The following SORCS2 variants were observed in gnomAD, a reference collection of about 807,000 sequenced individuals.
The protein encoded by SORCS2 is VPS10 domain-containing receptor SorCS2.
Under a neutral mutation model 141.6 loss-of-function variants are expected in SORCS2, and 100 were observed. That is an observed-to-expected ratio of 0.71 (90% CI 0.60 to 0.83). The LOEUF (loss-of-function observed/expected upper bound fraction) is 0.83. Among genes scored for constraint, SORCS2 ranks in the 40% least tolerant of loss-of-function variants. SORCS2 has a pLI of 0.00. For synonymous variants in SORCS2, 789 were observed against 676.9 expected (o/e 1.17, Z -2.57); for missense variants, 1,646 against 1,560.2 (o/e 1.05, Z -0.93).
rs1711521166 is a variant in SORCS2, at chr4:7,729,664, C to T, written c.3060C>T (p.Leu1020=). 1.9e-6 allele frequency: 3 copies of T among 1,607,956 alleles called. No individual in the cohort carries two copies. The highest frequency in any genetic ancestry group is 2.5e-6 in the Non-Finnish European group (3 of 1,177,444). ...CCACTTTGGCCGATCTGTACGTGCT[C>T]CTGCCCCCTCCCAGGCCCACAAGGA... ...GLPTLADLYV[L]LPPPRPTRKR... is the part of the protein sequence containing the mutation. The change falls in exon 23 of 27, where the codon CTC becomes CTT. Residue 1020 remains leucine, a synonymous_variant. Transcript: ENST00000507866.
chr4:7,288,112 GT>G (rs1716349984), intron 1 of SORCS2, among the ~76,000 whole-genome samples: 1 of 152,198 alleles, frequency 6.6e-6, no homozygotes, highest in South Asian at 2.1e-4. Context: ...TCGATGCAGT[GT>G]TTAAGCACTC....
intron 1 of SORCS2, among the ~76,000 whole-genome samples, chr4:7,242,933 A>T (rs1362639927): frequency 1.3e-5 from 2 of 152,162 alleles, no homozygotes; most frequent in African/African-American, 4.8e-5. Flanking sequence ...CGCTGGTTGG[A>T]TGGGAGGCAC....
chr4:7,706,639 T>C (rs1725481789), intron 14 of SORCS2, among the ~76,000 whole-genome samples: 2 of 144,396 alleles, frequency 1.4e-5, no homozygotes, highest in South Asian at 4.6e-4. Flanking sequence ...TGGACAGGGA[T>C]GAGGCTGGGC....
intron 1 of SORCS2, among the ~76,000 whole-genome samples, chr4:7,379,856 T>C (rs1364781929): frequency 6.6e-6 from 1 of 152,244 alleles, no homozygotes; most frequent in East Asian, 1.9e-4. Context: ...AACTTGCTTT[T>C]TAGACATCAC....
intron 3 of SORCS2, among the ~76,000 whole-genome samples, chr4:7,630,254 G>T (rs1719800157): frequency 6.6e-6 from 1 of 152,116 alleles, no homozygotes; most frequent in Non-Finnish European, 1.5e-5. Context: ...GGGAGTGAGT[G>T]AAAAAAGCTT....
intron 3 of SORCS2, among the ~76,000 whole-genome samples, chr4:7,635,888 G>A (rs1324572617): frequency 6.6e-6 from 1 of 152,212 alleles, no homozygotes; most frequent in Non-Finnish European, 1.5e-5. Flanking sequence ...GGAGATTAAT[G>A]ACCGTAGCTG....
chr4:7,576,458 C>T (rs763568267), intron 3 of SORCS2, among the ~76,000 whole-genome samples: 2 of 152,190 alleles, frequency 1.3e-5, no homozygotes, highest in East Asian at 1.9e-4. Flanking sequence ...CAACAGCCAT[C>T]GAGTGCCTGC....
chr4:7,224,750 G>T (rs35194996), intron 1 of SORCS2, among the ~76,000 whole-genome samples: 1 of 152,000 alleles, frequency 6.6e-6, no homozygotes, highest in East Asian at 1.9e-4. Flanking sequence ...GTGTGGCACT[G>T]GGTGGGGATC....
intron 1 of SORCS2, among the ~76,000 whole-genome samples, chr4:7,285,082 G>A (rs898529148): frequency 6.7e-5 from 10 of 149,928 alleles, no homozygotes; most frequent in Non-Finnish European, 1.0e-4. Flanking sequence ...GCCCAGACTC[G>A]AGTGCAGTGG....
intron 1 of SORCS2, among the ~76,000 whole-genome samples, chr4:7,255,742 G>C (rs1287935387): frequency 2.6e-5 from 4 of 152,126 alleles, no homozygotes; most frequent in Admixed American, 2.6e-4. Flanking sequence ...GGTGTTATCT[G>C]TCCACCTGCC....
Position 7,665,276 on chromosome 4 carries a change from C to T in SORCS2, c.1071+805C>T, listed in dbSNP as rs781771708. On this transcript the variant is annotated intron_variant, in intron 7 of 26. Transcript: ENST00000507866. ...TCTACACTCAGTCTGTGCCAAGGGC[C>T]ACCAAGGAGTTAGGCGCTAGGGCAG... Among the ~76,000 whole-genome samples, 6 of 152,144 alleles carry T rather than the reference C, an allele frequency of 3.9e-5. No homozygotes were observed. The East Asian group carries it at 5.8e-4, about 15-fold the overall frequency.
At chr4:7,521,503 C>T (rs763590350) in intron 2 of SORCS2, among the ~76,000 whole-genome samples, 12 of 152,212 alleles carry the variant, frequency 7.9e-5, no homozygotes, top group Non-Finnish European at 1.5e-4. Context: ...CCCTCTTCCT[C>T]TCTGATCCTG....
At chr4:7,617,119 A>T (rs1018515963) in intron 3 of SORCS2, among the ~76,000 whole-genome samples, 1 of 152,154 alleles carries the variant, frequency 6.6e-6, no homozygotes, top group East Asian at 1.9e-4. Flanking sequence ...TATTTTGACT[A>T]CAAACCCTGT....
intron 3 of SORCS2, among the ~76,000 whole-genome samples, chr4:7,538,572 G>A (rs1224818943): frequency 7.2e-6 from 1 of 139,694 alleles, no homozygotes; most frequent in Non-Finnish European, 1.5e-5. Context: ...ATCAGTGTTG[G>A]CTTGAATATT....
intron 3 of SORCS2, among the ~76,000 whole-genome samples, chr4:7,636,894 C>G (rs1720293098): frequency 6.6e-6 from 1 of 152,120 alleles, no homozygotes; most frequent in South Asian, 2.1e-4. Flanking sequence ...GTCGGCCAGG[C>G]TGGTTCCTTC....
chr4:7,693,534 G>A (rs1440751930), intron 11 of SORCS2, among the ~76,000 whole-genome samples: 1 of 152,212 alleles, frequency 6.6e-6, no homozygotes, highest in Non-Finnish European at 1.5e-5. Context: ...TCCCTGCACT[G>A]TCCTTTGCCC....
chr4:7,570,332 A>G (rs1158812599), intron 3 of SORCS2, among the ~76,000 whole-genome samples: 2 of 152,192 alleles, frequency 1.3e-5, no homozygotes, highest in Non-Finnish European at 2.9e-5. Context: ...ACCTCCACTC[A>G]TGACGGTGCC....
intron 21 of SORCS2, 40 bp from the exon 22 acceptor site, chr4:7,728,310 G>A (rs373256714): frequency 1.5e-5 from 22 of 1,516,382 alleles, no homozygotes; most frequent in Non-Finnish European, 2.0e-5. Flanking sequence ...GAGCCAGGCT[G>A]TCCAGAACTG....
intron 11 of SORCS2, among the ~76,000 whole-genome samples, chr4:7,694,559 C>T (rs555069261): frequency 2.0e-5 from 3 of 152,216 alleles, no homozygotes; most frequent in Middle Eastern, 3.2e-3. Flanking sequence ...AGTGTGCTGA[C>T]GCGGCAACAC....
Sources: allele counts gnomAD v4.1 joint callset (sites outside exome capture counted in the v4.1 genomes callset), GRCh38; gene constraint gnomAD v4.1.1; transcripts MANE v1.5; gene names NCBI Gene and HGNC (gene_info 2026-07-23, HGNC 2026-07-21).